NYAP2: variants seen among roughly 807,000 people sequenced by gnomAD.
NYAP2 encodes the protein neuronal tyrosine-phosphorylated phosphoinositide-3-kinase adaptor 2, also known as neuronal tyrosine-phosphorylated phosphoinositide-3-kinase adapter 2.
Under a neutral mutation model 50.4 loss-of-function variants are expected in NYAP2, and 23 were observed. The ratio of observed to expected loss-of-function variants is 0.46; its 90% CI spans 0.33 to 0.65. NYAP2 has a LOEUF of 0.65. Ranked by LOEUF, NYAP2 falls within the 30% of genes least tolerant of loss-of-function variation. NYAP2 has a pLI of 0.02. For missense variants in NYAP2, 885 were observed against 861.0 expected (o/e 1.03, Z -0.35); for synonymous variants, 394 against 365.2 (o/e 1.08, Z -0.90).
At chr2:225,425,654 A>G (rs1162472900) in intron 3 of NYAP2, among the ~76,000 whole-genome samples, 3 of 152,212 alleles carry the variant, frequency 2.0e-5, no homozygotes, top group Admixed American at 6.5e-5. Context: ...TTAAAAATAC[A>G]CTTCTTTTTC....
intron 3 of NYAP2, among the ~76,000 whole-genome samples, chr2:225,432,242 C>G (rs557089832): frequency 6.6e-6 from 1 of 150,552 alleles, no homozygotes; most frequent in Non-Finnish European, 1.5e-5. Context: ...GTGATCCACC[C>G]GCTTTAGCCT....
intron 4 of NYAP2, among the ~76,000 whole-genome samples, chr2:225,579,485 T>C (rs1387004864): frequency 6.6e-6 from 1 of 152,244 alleles, no homozygotes; most frequent in African/African-American, 2.4e-5. Flanking sequence ...AAACTTCTGT[T>C]TCTTAAATCA....
intron 5 of NYAP2, among the ~76,000 whole-genome samples, chr2:225,600,208 G>T (rs1226496372): frequency 6.6e-6 from 1 of 152,108 alleles, no homozygotes; most frequent in East Asian, 1.9e-4. Context: ...AGTTGAAATT[G>T]TCTTGTGCTG....
At chr2:225,581,942 G>T (rs756319896) in exon 5 of NYAP2, 3 of 1,587,026 alleles carry the variant, frequency 1.9e-6, no homozygotes, top group Admixed American at 1.8e-5. Flanking sequence ...TTCTTTTAGC[G>T]TCAGCTAAAC....
chr2:225,457,614 T>C lies in NYAP2; in HGVS notation c.221+48513T>C, dbSNP rs147447441. ...TGAGTCCAGGGAACACGATGGACTC[T>C]TGTCAACTTCCACCAGACTGAAAGT... On this transcript the variant is annotated intron_variant, in intron 3 of 6. Coordinates refer to ENST00000636099, the Ensembl canonical transcript of NYAP2. 1.1e-4 allele frequency among the ~76,000 whole-genome samples: 17 copies of C among 152,314 alleles called. No individual in the cohort carries two copies. In the Middle Eastern group the frequency reaches 0.01, roughly 91 times the overall value.
intron 2 of NYAP2, among the ~76,000 whole-genome samples, chr2:225,403,595 T>C (rs1312679867): frequency 6.6e-6 from 1 of 151,938 alleles, no homozygotes; most frequent in East Asian, 1.9e-4. Context: ...CTTTTCTCCC[T>C]CCACCACTTA....
the NYAP2 span, among the ~76,000 whole-genome samples, chr2:225,676,806 C>T: frequency 2.0e-5 from 3 of 152,144 alleles, no homozygotes; most frequent in African/African-American, 7.2e-5. Context: ...GTTTTAATTA[C>T]TGTAGCCTTA....
intron 5 of NYAP2, among the ~76,000 whole-genome samples, chr2:225,604,891 T>A (rs1692759708): frequency 6.6e-6 from 1 of 152,154 alleles, no homozygotes; most frequent in Non-Finnish European, 1.5e-5. Context: ...AAATGTTTAC[T>A]CTTTCTGCCT....
At chr2:225,593,886 A>T (rs1409602755) in intron 5 of NYAP2, among the ~76,000 whole-genome samples, 1 of 152,226 alleles carries the variant, frequency 6.6e-6, no homozygotes, top group Non-Finnish European at 1.5e-5. Flanking sequence ...TTCCACATTA[A>T]AATCAATATA....
intron 3 of NYAP2, among the ~76,000 whole-genome samples, chr2:225,449,601 C>CTTTTTT (rs201552006): frequency 2.5e-3 from 236 of 96,258 alleles, no homozygotes; most frequent in Non-Finnish European, 3.2e-3. Flanking sequence ...CTCTCTTTCT[C>CTTTTTT]TTTTTTTTTT....
intron 3 of NYAP2, among the ~76,000 whole-genome samples, chr2:225,440,873 T>C (rs1387407298): frequency 1.3e-5 from 2 of 152,172 alleles, no homozygotes; most frequent in African/African-American, 2.4e-5. Context: ...TGATAATAGA[T>C]GGGAGACTCC....
chr2:225,682,481 C>T, the NYAP2 span, among the ~76,000 whole-genome samples: 7 of 152,190 alleles, frequency 4.6e-5, no homozygotes, highest in Non-Finnish European at 8.8e-5. Context: ...CTCATAGCCT[C>T]CTGCTTCTCC....
At chr2:225,553,971 G>T (rs67949217) in intron 4 of NYAP2, among the ~76,000 whole-genome samples, 5 of 151,994 alleles carry the variant, frequency 3.3e-5, no homozygotes, top group Non-Finnish European at 7.4e-5. Context: ...AGTGAGCCGA[G>T]TTTGCCCCAT....
chr2:225,399,254 T>C (rs1574593812), upstream of NYAP2, among the ~76,000 whole-genome samples: 1 of 152,010 alleles, frequency 6.6e-6, no homozygotes, highest in East Asian at 1.9e-4. Flanking sequence ...TTTATCATAG[T>C]GCAAAATTAA....
the NYAP2 span, among the ~76,000 whole-genome samples, chr2:225,674,078 C>T: frequency 2.0e-5 from 3 of 152,062 alleles, no homozygotes; most frequent in African/African-American, 7.2e-5. Flanking sequence ...TGAGCTGAGT[C>T]TAAAAGAGTT....
intron 3 of NYAP2, among the ~76,000 whole-genome samples, chr2:225,429,234 T>C (rs1055287610): frequency 6.6e-6 from 1 of 152,206 alleles, no homozygotes; most frequent in Non-Finnish European, 1.5e-5. Context: ...GTTTCTTGTA[T>C]ATGAATCAAA....
Position 225,627,484 on chromosome 2 carries a change from G to T in NYAP2, c.1828+358G>T, listed in dbSNP as rs547817890. Among the ~76,000 whole-genome samples, 647 of 152,168 alleles carry T rather than the reference G, an allele frequency of 4.3e-3. 9 individuals are homozygous for T. Among genetic ancestry groups the T allele is most frequent in the African/African-American group, 0.015 (609 of 41,504 alleles). ...GTAATTTAGAATTTATGCTTCATTT[G>T]CTTCAAAAAATATTTTGGGCAACTG... On this transcript the variant is annotated intron_variant, in intron 6 of 6. Coordinates refer to ENST00000636099, the Ensembl canonical transcript of NYAP2.
In NYAP2 at chr2:225,653,124, C is replaced by CA. The variant is rs975587466; in HGVS notation, c.*1564dup. The stretch of plus-strand genomic sequence containing the variant: ...CCAACTTAGCTAATTAAAGCTATTC[C>CA]AAAAATATTGTACTTACCAACATTT... On this transcript the variant is annotated 3_prime_UTR_variant, in exon 7 of 7. Transcript: ENST00000636099. The CA allele has an allele frequency of 3.3e-5, 5 of 152,032 alleles. 1 individual carries two copies. The highest frequency in any genetic ancestry group is 3.3e-4 in the Admixed American group (5 of 15,262). 9.4% of individuals were successfully genotyped at this position (152,032 alleles called of 1,614,324 possible).
chr2:225,543,739 TG>T (rs553620073), intron 4 of NYAP2, among the ~76,000 whole-genome samples: 311 of 152,228 alleles, frequency 2.0e-3, no homozygotes, highest in African/African-American at 7.1e-3. Context: ...ATTTTTCACC[TG>T]TTGTATAAAA....
Sources: gnomAD v4.1 joint callset for allele counts (sites outside exome capture counted in the v4.1 genomes callset) on GRCh38, gnomAD v4.1.1 for gene constraint, MANE v1.5 for transcripts, NCBI Gene and HGNC (gene_info 2026-07-23, HGNC 2026-07-21) for gene names.